The following MACROD2 variants were observed in gnomAD, a reference collection of about 807,000 sequenced individuals.
MACROD2 encodes the protein mono-ADP ribosylhydrolase 2.
MACROD2 carries 36 observed loss-of-function variants against 70.4 expected under a neutral mutation model. That is an observed-to-expected ratio of 0.51 (90% CI 0.39 to 0.68). The LOEUF (loss-of-function observed/expected upper bound fraction) is 0.68, where lower values mean the gene tolerates loss of function less well. MACROD2 is among the 30% of genes least tolerant of loss of function. MACROD2 has a pLI of 0.00. For synonymous variants in MACROD2, 172 were observed against 178.8 expected, an observed-to-expected ratio of 0.96 and a Z score of 0.30; for missense variants, 496 against 538.4, an observed-to-expected ratio of 0.92 and a Z score of 0.78.
At chr20:15,423,287 C>T (rs17678193) in intron 6 of MACROD2, among the ~76,000 whole-genome samples, 29,503 of 152,034 alleles carry the variant, frequency 0.19, 3,146 homozygotes, top group African/African-American at 0.25. Flanking sequence ...CTACATGAGG[C>T]GTGTTCTTAT....
chr20:15,479,334 G>A (rs1048844939), intron 7 of MACROD2, among the ~76,000 whole-genome samples: 37 of 145,120 alleles, frequency 2.5e-4, no homozygotes, highest in African/African-American at 7.0e-4. Context: ...GTGCAGTGGC[G>A]GGATCTCGGC....
At chr20:15,144,638 T>C (rs1308449665) in intron 5 of MACROD2, among the ~76,000 whole-genome samples, 1 of 152,172 alleles carries the variant, frequency 6.6e-6, no homozygotes, top group African/African-American at 2.4e-5. Flanking sequence ...AATTCAACTT[T>C]GCACTCTTTG....
chr20:15,502,326 A>G (rs995734243), intron 8 of MACROD2, among the ~76,000 whole-genome samples: 1 of 152,206 alleles, frequency 6.6e-6, no homozygotes, highest in African/African-American at 2.4e-5. Flanking sequence ...AGCCTGGAAG[A>G]GAGAATGAGC....
chr20:15,244,661 T>G (rs1601292424), intron 6 of MACROD2, among the ~76,000 whole-genome samples: 1 of 152,218 alleles, frequency 6.6e-6, no homozygotes, highest in Non-Finnish European at 1.5e-5. Flanking sequence ...AGAAAGGAGT[T>G]CCAATAGCTT....
intron 3 of MACROD2, among the ~76,000 whole-genome samples, chr20:14,161,640 G>A (rs1406611298): frequency 4.0e-5 from 6 of 149,854 alleles, no homozygotes; most frequent in African/African-American, 1.5e-4. Flanking sequence ...GCAGTGGCGC[G>A]ATCGCAGCTC....
intron 6 of MACROD2, among the ~76,000 whole-genome samples, chr20:15,372,777 T>G (rs1211287578): frequency 6.6e-6 from 1 of 152,124 alleles, no homozygotes; most frequent in Admixed American, 6.5e-5. Context: ...CCAGGCTGGA[T>G]GCGATAATGC....
chr20:14,275,647 A>C (rs980142269), intron 3 of MACROD2, among the ~76,000 whole-genome samples: 3 of 152,082 alleles, frequency 2.0e-5, no homozygotes, highest in Non-Finnish European at 4.4e-5. Context: ...TAATTAAACT[A>C]AAGAGCTTCT....
At chr20:15,793,272 C>A (rs1274634504) in intron 8 of MACROD2, among the ~76,000 whole-genome samples, 1 of 152,048 alleles carries the variant, frequency 6.6e-6, no homozygotes, top group African/African-American at 2.4e-5. Flanking sequence ...ACCCAGGTCC[C>A]CACCGTAGAG....
intron 8 of MACROD2, among the ~76,000 whole-genome samples, chr20:15,556,053 C>G (rs1192850700): frequency 6.6e-6 from 1 of 152,058 alleles, no homozygotes. Context: ...CTGACTTATT[C>G]AGACCTGCTT....
At chr20:15,111,474 A>G (rs2075955251) in intron 5 of MACROD2, among the ~76,000 whole-genome samples, 1 of 152,018 alleles carries the variant, frequency 6.6e-6, no homozygotes, top group Admixed American at 6.6e-5. Context: ...CTGGCCCTCT[A>G]GTGTGTTTTC....
Position 16,050,073 on chromosome 20 carries a change from T to C in MACROD2, c.*197T>C, listed in dbSNP as rs62194237. 4 of 513,776 alleles carry C rather than the reference T, an allele frequency of 7.8e-6. No individual in the cohort carries two copies. Among genetic ancestry groups the C allele is most frequent in the Non-Finnish European group, 1.4e-5 (4 of 294,476 alleles). The allele number at this position is 513,776 out of a possible 1,614,324, so 31.8% of individuals were successfully genotyped here. A position where few individuals can be genotyped will look rare whatever the true frequency, so the allele number is the denominator to read the frequency against. On this transcript the variant is annotated 3_prime_UTR_variant, in exon 18 of 18. Transcript: ENST00000684519. ...AAAGAAAAAAAAGAAAAAAAAAGTT[T>C]CCTTTAATTTGGTGGAGGGACCCAT... is the stretch of plus-strand genomic sequence containing the variant.
At chr20:15,900,813 T>C (rs544316405) in intron 10 of MACROD2, among the ~76,000 whole-genome samples, 1 of 152,320 alleles carries the variant, frequency 6.6e-6, no homozygotes, top group South Asian at 2.1e-4. Flanking sequence ...ATTGTCCATG[T>C]TCTGCTTCCT....
rs142447947 is a variant in MACROD2, at chr20:15,631,765, TA to T, written c.645+131924del. Among the ~76,000 whole-genome samples the T allele has an allele frequency of 4.9e-3, 739 of 152,290 alleles. 34 individuals carry two copies. In the East Asian group the frequency reaches 0.11, roughly 22 times the overall value. On this transcript the variant is annotated intron_variant, in intron 8 of 17. Transcript: ENST00000684519. Reference sequence around the variant, plus strand: ...CACCTTGGAACCACTTGGAGAGCTTTAAAAAACACTGATGTCCAGCTCTTAC... The same window carrying T: ...CACCTTGGAACCACTTGGAGAGCTTTAAAAACACTGATGTCCAGCTCTTAC...
At chr20:15,289,866 C>A (rs2077526438) in intron 6 of MACROD2, among the ~76,000 whole-genome samples, 1 of 152,046 alleles carries the variant, frequency 6.6e-6, no homozygotes, top group African/African-American at 2.4e-5. Context: ...AAGGCAATGA[C>A]AATGGAGGTA....
intron 8 of MACROD2, among the ~76,000 whole-genome samples, chr20:15,840,431 T>C (rs1433818025): frequency 6.6e-6 from 1 of 152,092 alleles, no homozygotes; most frequent in Non-Finnish European, 1.5e-5. Flanking sequence ...TCTTAAGGAG[T>C]GGCAAAAACC....
chr20:14,769,151 A>G (rs1176936668), intron 5 of MACROD2, among the ~76,000 whole-genome samples: 2 of 152,120 alleles, frequency 1.3e-5, no homozygotes, highest in African/African-American at 4.8e-5. Context: ...CTTCCCTCTC[A>G]GTGCAGTTTG....
chr20:15,642,753 CTGTGTGTGTTTG>C (rs1329518371), intron 8 of MACROD2, among the ~76,000 whole-genome samples: 2 of 152,074 alleles, frequency 1.3e-5, no homozygotes, highest in East Asian at 1.9e-4. Flanking sequence ...ATCCTGTCTT[CTGTGTGTGTTTG>C]TGTGTGTGTA....
At chr20:15,233,967 T>TATATATA (rs1568657240) in intron 6 of MACROD2, among the ~76,000 whole-genome samples, 36 of 48,568 alleles carry the variant, frequency 7.4e-4, no homozygotes, top group Non-Finnish European at 8.3e-4. Context: ...AAAAATTTAT[T>TATATATA]TTTATATATA....
chr20:14,146,178 C>T (rs1029103087), intron 3 of MACROD2, among the ~76,000 whole-genome samples: 1 of 151,982 alleles, frequency 6.6e-6, no homozygotes, highest in Admixed American at 6.6e-5. Context: ...AAAAATTAGC[C>T]GGGCGTGGTG....
Sources: gnomAD v4.1 joint callset for allele counts (sites outside exome capture counted in the v4.1 genomes callset) on GRCh38, gnomAD v4.1.1 for gene constraint, MANE v1.5 for transcripts, NCBI Gene and HGNC (gene_info 2026-07-23, HGNC 2026-07-21) for gene names.